Variants in DLD observed in about 807,000 individuals in gnomAD.
DLD encodes dihydrolipoamide dehydrogenase.
DLD carries 36 observed loss-of-function variants against 62.2 expected under a neutral mutation model. That is an observed-to-expected ratio of 0.58 (90% CI 0.44 to 0.76). DLD has a LOEUF of 0.76. Among genes scored for constraint, DLD ranks in the 30% least tolerant of loss-of-function variants. The pLI is 0.00. For missense variants in DLD, 541 were observed against 608.6 expected, an observed-to-expected ratio of 0.89 and a Z score of 1.17; for synonymous variants, 204 against 199.6, an observed-to-expected ratio of 1.02 and a Z score of -0.19.
At position 107,907,854 on chromosome 7, in the gene DLD, C is replaced by T. The variant is rs562159424; in HGVS notation, c.684+1486C>T. On this transcript the variant is annotated intron_variant, in intron 8 of 13. Coordinates refer to ENST00000205402, the MANE Select transcript of DLD (RefSeq NM_000108.5). Reference sequence around the variant, plus strand: ...GCACTTTTCCTTCAAAACCCAGCTTCTCAAAAGAGTTGTCCATGCTTTATT... The same window carrying T: ...GCACTTTTCCTTCAAAACCCAGCTTTTCAAAAGAGTTGTCCATGCTTTATT... Among the ~76,000 whole-genome samples the T allele has an allele frequency of 1.6e-4, 24 of 152,350 alleles. No individual in the cohort carries two copies. The South Asian group carries it at 4.8e-3, about 30-fold the overall frequency.
intron 2 of DLD, among the ~76,000 whole-genome samples, chr7:107,895,686 G>C (rs181388344): frequency 8.5e-5 from 13 of 152,238 alleles, no homozygotes; most frequent in Admixed American, 6.5e-4. Context: ...TTGTGACAGG[G>C]GTCCATAGAC....
intron 4 of DLD, among the ~76,000 whole-genome samples, chr7:107,902,900 C>CATAT (rs2031910493): frequency 6.6e-6 from 1 of 152,040 alleles, no homozygotes; most frequent in African/African-American, 2.4e-5. Context: ...GGTGTAGTGC[C>CATAT]ATATACTATT....
chr7:107,917,196 T>G, intron 10 of DLD, 77 bp from the exon 11 acceptor site: 1 of 1,554,764 alleles, frequency 6.4e-7, no homozygotes. Flanking sequence ...CTGGAAACTT[T>G]TGTTACCATA....
Position 107,902,321 on chromosome 7 carries a change from G to C in DLD, c.199-4G>C. 1 of 1,613,022 alleles carries C rather than the reference G, an allele frequency of 6.2e-7. No individual in the cohort carries two copies. The highest frequency in any genetic ancestry group is 8.5e-7 in the Non-Finnish European group (1 of 1,179,168). On this transcript the variant is annotated splice_polypyrimidine_tract_variant and splice_region_variant and intron_variant, in intron 3 of 13. Coordinates refer to ENST00000205402, the MANE Select transcript of DLD (RefSeq NM_000108.5). ...CAGTTAAATAATGTTTTCTTTGGTTGTAGACAGTCTGCATTGAGAAAAATG... is the reference window on the plus strand; with the variant it reads ...CAGTTAAATAATGTTTTCTTTGGTTCTAGACAGTCTGCATTGAGAAAAATG...
In DLD at chr7:107,891,192, G is replaced by T; in HGVS notation, c.-59G>T. 9 of 1,606,130 alleles carry T rather than the reference G, an allele frequency of 5.6e-6. No homozygotes were observed. The highest frequency in any genetic ancestry group is 7.7e-6 in the Non-Finnish European group (9 of 1,173,378). On this transcript the variant is annotated 5_prime_UTR_variant, in exon 1 of 14. Transcript: ENST00000205402. ...CGCAGGGAGGGGAGACCTTGGCGGA[G>T]CGGCGGAGGCGCCCAGCGGAGGTGA...
At chr7:107,916,129 A>G (rs1457174253) in intron 9 of DLD, among the ~76,000 whole-genome samples, 1 of 152,202 alleles carries the variant, frequency 6.6e-6, no homozygotes, top group Non-Finnish European at 1.5e-5. Context: ...AAATAGTTTA[A>G]TGACTTTTAC....
intron 2 of DLD, among the ~76,000 whole-genome samples, chr7:107,898,190 T>G (rs1355746737): frequency 6.6e-6 from 1 of 152,014 alleles, no homozygotes; most frequent in African/African-American, 2.4e-5. Context: ...AAACACAGAT[T>G]GCTATTCACC....
intron 2 of DLD, among the ~76,000 whole-genome samples, chr7:107,901,525 A>G (rs1174679791): frequency 6.6e-6 from 1 of 152,196 alleles, no homozygotes; most frequent in Non-Finnish European, 1.5e-5. Context: ...AATAGAAAAT[A>G]ATAGAAAATG....
intron 1 of DLD, 113 bp downstream of exon 1, chr7:107,891,402 G>T: frequency 1.7e-6 from 2 of 1,202,850 alleles, no homozygotes; most frequent in East Asian, 5.0e-5. Context: ...CGCCTGGGCC[G>T]CACCACCCCT....
At chr7:107,915,974 A>G (rs2032259347) in intron 9 of DLD, among the ~76,000 whole-genome samples, 2 of 152,156 alleles carry the variant, frequency 1.3e-5, no homozygotes, top group Admixed American at 1.3e-4. Context: ...TTGAATCAAT[A>G]TTTTTAGGCA....
intron 8 of DLD, among the ~76,000 whole-genome samples, chr7:107,914,687 A>G (rs2032224910): frequency 6.6e-6 from 1 of 152,196 alleles, no homozygotes; most frequent in Non-Finnish European, 1.5e-5. Flanking sequence ...GTTCATTTGA[A>G]TTACCAGATG....
chr7:107,911,974 C>T (rs1229789364), intron 8 of DLD, among the ~76,000 whole-genome samples: 1 of 151,758 alleles, frequency 6.6e-6, no homozygotes, highest in South Asian at 2.1e-4. Flanking sequence ...CTTCATTCCT[C>T]TTCTCCCCCT....
chr7:107,895,040 T>C (rs905295763), intron 2 of DLD, among the ~76,000 whole-genome samples: 3 of 152,202 alleles, frequency 2.0e-5, no homozygotes, highest in Non-Finnish European at 4.4e-5. Context: ...TACTGCTCTG[T>C]GGCAAAGCAT....
chr7:107,899,815 T>C (rs1279391859), intron 2 of DLD, among the ~76,000 whole-genome samples: 1 of 151,958 alleles, frequency 6.6e-6, no homozygotes, highest in East Asian at 1.9e-4. Context: ...AATTTTGCTT[T>C]AGTGTATTTA....
At chr7:107,917,865 A>C in intron 11 of DLD, 59 bp from the exon 12 acceptor site, 1 of 1,607,204 alleles carries the variant, frequency 6.2e-7, no homozygotes, top group Non-Finnish European at 8.5e-7. Context: ...AGATGATTTT[A>C]CAAATTGGAA....
chr7:107,915,595 T>C lies in DLD; in HGVS notation c.774T>C (p.Ser258=), dbSNP rs780475684. 6.2e-7 allele frequency: 1 copy of C among 1,613,876 alleles called. No individual in the cohort carries two copies. Among genetic ancestry groups the C allele is most frequent in the Non-Finnish European group, 8.5e-7 (1 of 1,179,854 alleles). The change falls in exon 9 of 14, where the codon TCT becomes TCC. Residue 258 remains serine, a synonymous_variant. Coordinates refer to ENST00000205402, the MANE Select transcript of DLD (RefSeq NM_000108.5). ...GAGTTGGAATTGATATGGAGATATC[T>C]AAAAACTTTCAACGCATCCTTCAAA... The part of the protein sequence containing the change: ...VGGVGIDMEI[S]KNFQRILQKQ...
rs373426256 is a variant in DLD, at chr7:107,893,445, G to A, written c.118+167G>A. On this transcript the variant is annotated intron_variant, in intron 2 of 13. Coordinates refer to ENST00000205402, the MANE Select transcript of DLD (RefSeq NM_000108.5). Reference sequence around the variant, plus strand: ...TATATTGAGCTAGTGTGTTCCAGGCGGTGAACAAGGTAAAAAAACCCTGCT... The same window carrying A: ...TATATTGAGCTAGTGTGTTCCAGGCAGTGAACAAGGTAAAAAAACCCTGCT... 54 of 486,444 alleles carry A rather than the reference G, an allele frequency of 1.1e-4. No homozygotes were observed. In the East Asian group the frequency reaches 1.2e-3, roughly 11 times the overall value. The allele number at this position is 486,444 out of a possible 1,614,324, so 30.1% of individuals were successfully genotyped here.
At chr7:107,907,331 C>T (rs2032032584) in intron 8 of DLD, among the ~76,000 whole-genome samples, 1 of 152,184 alleles carries the variant, frequency 6.6e-6, no homozygotes, top group East Asian at 1.9e-4. Context: ...GAACCTCAGC[C>T]TTGCTGACAG....
In DLD at chr7:107,902,253, A is replaced by G. The variant is rs533390602; in HGVS notation, c.199-72A>G. The G allele has an allele frequency of 7.7e-6, 10 of 1,301,184 alleles. No individual in the cohort carries two copies. The Admixed American group carries it at 1.0e-4, about 13-fold the overall frequency. 80.6% of individuals were successfully genotyped at this position (1,301,184 alleles called of 1,614,324 possible). On this transcript the variant is annotated intron_variant, in intron 3 of 13. Transcript: ENST00000205402. ...GCTTGTTTTGTAGAAGAATTAAGAC[A>G]TATATTTGGAATTTTAGTGATCTGA...
Sources: allele counts gnomAD v4.1 joint callset (sites outside exome capture counted in the v4.1 genomes callset), GRCh38; gene constraint gnomAD v4.1.1; transcripts MANE v1.5; gene names NCBI Gene and HGNC (gene_info 2026-07-23, HGNC 2026-07-21).